Variants in PHF10 observed in about 807,000 individuals in gnomAD.
The protein encoded by PHF10 is PHD finger protein 10.
PHF10 carries 51 observed loss-of-function variants against 68.5 expected under a neutral mutation model. The observed-to-expected ratio is 0.74, with a 90% CI of 0.59 to 0.94. The LOEUF (loss-of-function observed/expected upper bound fraction) is 0.94. Among genes scored for constraint, PHF10 ranks in the 40% least tolerant of loss-of-function variants. PHF10 has a pLI of 0.00. For missense variants in PHF10, 460 were observed against 602.6 expected (o/e 0.76, Z 2.48); for synonymous variants, 204 against 203.5 (o/e 1.00, Z -0.02).
intron 2 of PHF10, 78 bp from the exon 3 acceptor site, chr6:169,718,996 A>G (rs1789116176): frequency 3.1e-6 from 3 of 974,312 alleles, no homozygotes; most frequent in Non-Finnish European, 3.1e-6. Context: ...GATATTTTGA[A>G]AACTATTTTA....
rs1202611210 is a variant in PHF10, at chr6:169,706,723, T to TAC, written c.1114-1001_1114-1000dup. On this transcript the variant is annotated intron_variant, in intron 9 of 11. Coordinates refer to ENST00000339209, the MANE Select transcript of PHF10 (RefSeq NM_018288.4). Reference sequence around the variant, plus strand: ...AATGGGGTAAGGGGACATACATACATACATACACACACACACACACACACA... The same window carrying TAC: ...AATGGGGTAAGGGGACATACATACATACACATACACACACACACACACACACA... Among the ~76,000 whole-genome samples the TAC allele has an allele frequency of 2.3e-3, 166 of 72,492 alleles. 1 individual carries two copies. The highest frequency in any genetic ancestry group is 2.1e-3 in the African/African-American group (50 of 23,936). The allele number at this position is 72,492 out of a possible 152,430, so 47.6% of individuals were successfully genotyped here. A position where few individuals can be genotyped will look rare whatever the true frequency, so the allele number is the denominator to read the frequency against.
chr6:169,708,235 G>T (rs1369733705), intron 9 of PHF10: 1 of 152,122 alleles, frequency 6.6e-6, no homozygotes, highest in African/African-American at 2.4e-5. Context: ...GACTTTCATG[G>T]TAGCAATAAT....
Position 169,712,374 on chromosome 6 carries a change from A to G in PHF10, c.957+12T>C. On this transcript the variant is annotated intron_variant, in intron 8 of 11. Coordinates refer to ENST00000339209, the MANE Select transcript of PHF10 (RefSeq NM_018288.4). ...AAAGGAAATGCTTCCTACTAGAGAG[A>G]AATGTTCTCACCGAAGTGCCTTTAT... 1.9e-6 allele frequency: 3 copies of G among 1,611,564 alleles called. No individual in the cohort carries two copies. Among genetic ancestry groups the G allele is most frequent in the South Asian group, 1.1e-5 (1 of 90,998 alleles).
At chr6:169,722,433 A>T (rs757546091) in intron 1 of PHF10, among the ~76,000 whole-genome samples, 1 of 152,302 alleles carries the variant, frequency 6.6e-6, no homozygotes, top group South Asian at 2.1e-4. Context: ...CATTTTAAGG[A>T]TTTTTATATC....
chr6:169,713,598 CAA>C (rs755248180), intron 7 of PHF10, among the ~76,000 whole-genome samples: 21 of 76,624 alleles, frequency 2.7e-4, no homozygotes, highest in Non-Finnish European at 1.9e-4. Flanking sequence ...GACTCCATCT[CAA>C]AAAAAAAAAA....
chr6:169,705,382 T>C, intron 10 of PHF10, 61 bp from the exon 11 acceptor site: 1 of 1,174,648 alleles, frequency 8.5e-7, no homozygotes. Flanking sequence ...ATATGGCACA[T>C]AAAATACTAG....
Position 169,715,705 on chromosome 6 carries a change from T to C in PHF10, c.693+3A>G. 3.7e-6 allele frequency: 6 copies of C among 1,611,168 alleles called. No homozygotes were observed. The highest frequency in any genetic ancestry group is 1.7e-5 in the Admixed American group (1 of 59,936). On this transcript the variant is annotated splice_donor_region_variant and intron_variant, in intron 6 of 11. Coordinates refer to ENST00000339209, the MANE Select transcript of PHF10 (RefSeq NM_018288.4). ...AGGGGGTACTAAATTTAAGTTATCC[T>C]ACATGTGTCTGCAAGTCAAAATAAG...
intron 7 of PHF10, 48 bp from the exon 8 acceptor site, chr6:169,712,587 A>T (rs746029481): frequency 1.3e-6 from 2 of 1,512,612 alleles, no homozygotes; most frequent in Non-Finnish European, 1.8e-6. Context: ...TATTAAATAT[A>T]AACAGACTCA....
chr6:169,714,546 G>A (rs567922476), intron 7 of PHF10, among the ~76,000 whole-genome samples, 187 bp downstream of exon 7: 9 of 152,268 alleles, frequency 5.9e-5, no homozygotes, highest in Non-Finnish European at 8.8e-5. Flanking sequence ...GACTTCACCA[G>A]CATATATTCA....
intron 8 of PHF10, among the ~76,000 whole-genome samples, chr6:169,710,810 C>T (rs1270446713): frequency 6.6e-6 from 1 of 151,200 alleles, no homozygotes; most frequent in East Asian, 1.9e-4. Flanking sequence ...TAAGAAGGTC[C>T]TTCAGGAAAA....
At chr6:169,721,426 G>GA (rs1359713852) in intron 1 of PHF10, among the ~76,000 whole-genome samples, 3 of 151,948 alleles carry the variant, frequency 2.0e-5, no homozygotes, top group Admixed American at 1.3e-4. Flanking sequence ...AGCTCAGGGG[G>GA]AAAAAAATGT....
chr6:169,712,272 T>C (rs1788940944), intron 8 of PHF10, 114 bp downstream of exon 8: 1 of 930,522 alleles, frequency 1.1e-6, no homozygotes, highest in Non-Finnish European at 1.7e-6. Flanking sequence ...ATGAATACTT[T>C]CTGGAAATTA....
intron 6 of PHF10, 129 bp downstream of exon 6, chr6:169,715,579 C>T: frequency 1.2e-6 from 1 of 851,288 alleles, no homozygotes; most frequent in South Asian, 1.7e-5. Flanking sequence ...CAAAACAAAA[C>T]AAACAAACAA....
rs376832431 is a variant in PHF10 at position 169,718,855 on chromosome 6, T to G, written c.258A>C (p.Glu86Asp). The part of the protein sequence containing the change: ...EYKWPPDETG[E>D]YYMLQEQVSE... Reference sequence around the variant, plus strand: ...TGACTTGTTCTTGAAGCATATAGTATTCTCCTGTTTCATCAGGTGGCCATT... The same window carrying G: ...TGACTTGTTCTTGAAGCATATAGTAGTCTCCTGTTTCATCAGGTGGCCATT... The change falls in exon 3 of 12, where the codon GAA becomes GAC. Residue 86 changes from glutamate (E) to aspartate (D), a missense_variant. Coordinates refer to ENST00000339209, the MANE Select transcript of PHF10 (RefSeq NM_018288.4). 1.9e-6 allele frequency: 3 copies of G among 1,597,670 alleles called. No homozygotes were observed. The highest frequency in any genetic ancestry group is 2.6e-6 in the Non-Finnish European group (3 of 1,166,366).
intron 11 of PHF10, 168 bp downstream of exon 11, chr6:169,704,965 T>A (rs1259888944): frequency 2.1e-6 from 1 of 473,214 alleles, no homozygotes; most frequent in Non-Finnish European, 3.8e-6. Flanking sequence ...TGGAATTGTC[T>A]AGGGATGAAA....
At chr6:169,705,469 C>T in intron 10 of PHF10, 147 bp downstream of exon 10, 4 of 715,958 alleles carry the variant, frequency 5.6e-6, no homozygotes, top group South Asian at 3.6e-5. Context: ...TAGAGGAAAA[C>T]ACATGGGCTG....
At chr6:169,718,983 G>A (rs749872445) in intron 2 of PHF10, 65 bp from the exon 3 acceptor site, 1 of 1,096,930 alleles carries the variant, frequency 9.1e-7, no homozygotes, top group Non-Finnish European at 1.3e-6. Flanking sequence ...CACTTTTATT[G>A]AGGATATTTT....
chr6:169,721,253 G>T, intron 1 of PHF10, 142 bp from the exon 2 acceptor site: 1 of 531,006 alleles, frequency 1.9e-6, no homozygotes, highest in Non-Finnish European at 3.3e-6. Flanking sequence ...CAAGAGTTTG[G>T]CATGAGCAAG....
At position 169,703,938 on chromosome 6, in the gene PHF10, A is replaced by G; in HGVS notation, c.*65T>C. On this transcript the variant is annotated 3_prime_UTR_variant, in exon 12 of 12. Coordinates refer to ENST00000339209, the MANE Select transcript of PHF10 (RefSeq NM_018288.4). The stretch of plus-strand genomic sequence containing the variant: ...AAAAATCTTTTATTGGCATGAAAAT[A>G]ATGTTGTAAATGGCACCAAATATTC... 3.1e-6 allele frequency: 4 copies of G among 1,270,952 alleles called. No homozygotes were observed. The highest frequency in any genetic ancestry group is 4.4e-6 in the Non-Finnish European group (4 of 918,662). 78.7% of individuals were successfully genotyped at this position (1,270,952 alleles called of 1,614,324 possible). A position where few individuals can be genotyped will look rare whatever the true frequency, so the allele number is the denominator to read the frequency against.
Sources: allele counts gnomAD v4.1 joint callset (sites outside exome capture counted in the v4.1 genomes callset), GRCh38; gene constraint gnomAD v4.1.1; transcripts MANE v1.5; gene names NCBI Gene and HGNC (gene_info 2026-07-23, HGNC 2026-07-21).